AGBL1: variants seen among roughly 807,000 people sequenced by gnomAD.
The protein encoded by AGBL1 is cytosolic carboxypeptidase 4.
In AGBL1, 130 loss-of-function variants were observed where a neutral mutation model predicts 118.9. The observed-to-expected ratio is 1.09, with a 90% CI of 0.95 to 1.26. The LOEUF is 1.26. AGBL1 is among the 50% of genes most tolerant of loss of function. The pLI, the probability that AGBL1 is intolerant of heterozygous loss-of-function variation, is 0.00. For synonymous variants in AGBL1, 555 were observed against 478.9 expected (o/e 1.16, Z -2.08); for missense variants, 1,584 against 1,298.1 (o/e 1.22, Z -3.38).
At chr15:86,182,177 A>T (rs1322311032) in intron 5 of AGBL1, among the ~76,000 whole-genome samples, 1 of 152,076 alleles carries the variant, frequency 6.6e-6, no homozygotes, top group Non-Finnish European at 1.5e-5. Context: ...GACGAGTGGT[A>T]ATGGGAGAGA....
chr15:86,925,099 C>CAAGAAGAAG (rs71144081), intron 23 of AGBL1, among the ~76,000 whole-genome samples: 49 of 121,900 alleles, frequency 4.0e-4, no homozygotes, highest in African/African-American at 1.5e-3. Flanking sequence ...GAGACTCTGT[C>CAAGAAGAAG]AAGAAGAAGA....
At chr15:86,798,991 G>T (rs1443155027) in intron 22 of AGBL1, among the ~76,000 whole-genome samples, 6 of 151,886 alleles carry the variant, frequency 4.0e-5, no homozygotes, top group Admixed American at 3.3e-4. Flanking sequence ...AAATGTATTT[G>T]CCTGAGGTGA....
intron 21 of AGBL1, among the ~76,000 whole-genome samples, chr15:86,583,076 A>G (rs936171048): frequency 3.3e-5 from 5 of 152,058 alleles, no homozygotes; most frequent in Non-Finnish European, 5.9e-5. Context: ...TGGTATTATT[A>G]GTTGGGGAAT....
At chr15:86,252,879 C>T (rs185587817) in intron 7 of AGBL1, among the ~76,000 whole-genome samples, 1 of 152,276 alleles carries the variant, frequency 6.6e-6, no homozygotes, top group Non-Finnish European at 1.5e-5. Context: ...TGAAGCTACG[C>T]CACATCTGCC....
chr15:86,433,391 G>A (rs1009414347), intron 18 of AGBL1, among the ~76,000 whole-genome samples: 3 of 148,402 alleles, frequency 2.0e-5, no homozygotes, highest in African/African-American at 7.5e-5. Context: ...CCTTCTAGAA[G>A]GAGGAAGGTG....
chr15:86,887,302 T>A (rs2079984375), intron 22 of AGBL1, among the ~76,000 whole-genome samples: 1 of 152,198 alleles, frequency 6.6e-6, no homozygotes, highest in Admixed American at 6.5e-5. Context: ...AATCGATCTA[T>A]CTTGGCTGTT....
At chr15:86,348,942 A>C (rs994140075) in intron 17 of AGBL1, among the ~76,000 whole-genome samples, 3 of 152,158 alleles carry the variant, frequency 2.0e-5, no homozygotes, top group African/African-American at 7.2e-5. Context: ...TCAAGATAAG[A>C]TGAGGTTATA....
At chr15:86,618,475 T>TA (rs2084760611) in intron 21 of AGBL1, among the ~76,000 whole-genome samples, 1 of 152,178 alleles carries the variant, frequency 6.6e-6, no homozygotes. Context: ...GGGCTTTTAT[T>TA]AAAAATATAG....
chr15:86,102,930 C>T (rs1896821186), intron 1 of AGBL1, among the ~76,000 whole-genome samples: 1 of 151,938 alleles, frequency 6.6e-6, no homozygotes. Context: ...TTTAATATTG[C>T]CTTCTGGGAC....
chr15:86,748,510 CTTTTTTTTTTTTTTTTTTTTTT>C (rs752203969), intron 22 of AGBL1, among the ~76,000 whole-genome samples: 1,146 of 9,786 alleles, frequency 0.12, 50 homozygotes, highest in African/African-American at 0.23. Flanking sequence ...TCAATTTTGG[CTTTTTTTTTTTTTTTTTTTTTT>C]TTTTTTTTTT....
chr15:86,674,952 G>C (rs2085811884), intron 22 of AGBL1, among the ~76,000 whole-genome samples: 3 of 152,166 alleles, frequency 2.0e-5, no homozygotes, highest in Admixed American at 2.0e-4. Flanking sequence ...AGCCATAGGA[G>C]GGAAAGGCTA....
At chr15:86,301,668 G>A (rs796188878) in intron 17 of AGBL1, among the ~76,000 whole-genome samples, 2 of 148,248 alleles carry the variant, frequency 1.3e-5, no homozygotes, top group African/African-American at 5.1e-5. Flanking sequence ...GTGTGTGTGT[G>A]TGTGTGTGTG....
At chr15:86,868,887 G>A (rs374908790) in intron 22 of AGBL1, among the ~76,000 whole-genome samples, 4 of 152,144 alleles carry the variant, frequency 2.6e-5, no homozygotes, top group East Asian at 3.9e-4. Context: ...TAGAAACAAC[G>A]GGTATGAATT....
intron 22 of AGBL1, among the ~76,000 whole-genome samples, chr15:86,757,039 C>G (rs1336641619): frequency 6.6e-6 from 1 of 151,020 alleles, no homozygotes; most frequent in East Asian, 2.0e-4. Flanking sequence ...CATATATTGG[C>G]TTTTGAAAAT....
chr15:86,422,897 A>G (rs1038838562), intron 18 of AGBL1, among the ~76,000 whole-genome samples: 2 of 152,248 alleles, frequency 1.3e-5, no homozygotes, highest in African/African-American at 4.8e-5. Context: ...TAAACCAGGA[A>G]GAAGTCGAAT....
chr15:86,966,156 A>G (rs1252023109), intron 23 of AGBL1, among the ~76,000 whole-genome samples: 3 of 152,058 alleles, frequency 2.0e-5, no homozygotes, highest in South Asian at 2.1e-4. Context: ...ATAGCAATAA[A>G]GGCTAAGGTA....
chr15:86,536,925 T>G (rs1440696037), intron 19 of AGBL1, among the ~76,000 whole-genome samples: 1 of 152,158 alleles, frequency 6.6e-6, no homozygotes, highest in East Asian at 1.9e-4. Context: ...AAGAGACTTG[T>G]GCATGTCTGA....
intron 24 of AGBL1, among the ~76,000 whole-genome samples, chr15:87,009,736 G>C (rs572630293): frequency 7.9e-5 from 12 of 152,176 alleles, no homozygotes; most frequent in Non-Finnish European, 1.3e-4. Flanking sequence ...ACTTGCATCA[G>C]AGTGACCTAG....
intron 19 of AGBL1, among the ~76,000 whole-genome samples, chr15:86,537,863 G>A (rs1016065036): frequency 6.6e-6 from 1 of 152,088 alleles, no homozygotes; most frequent in African/African-American, 2.4e-5. Context: ...TCTCAGCATG[G>A]TGACCGACAC....
Sources: allele counts gnomAD v4.1 joint callset (sites outside exome capture counted in the v4.1 genomes callset), GRCh38; gene constraint gnomAD v4.1.1; transcripts MANE v1.5; gene names NCBI Gene and HGNC (gene_info 2026-07-23, HGNC 2026-07-21).